The following PCSK5 variants were observed in gnomAD, a reference collection of about 807,000 sequenced individuals.
PCSK5 encodes the protein proprotein convertase subtilisin/kexin type 5.
In PCSK5, 129 loss-of-function variants were observed where a neutral mutation model predicts 233.2. That is an observed-to-expected ratio of 0.55 (90% CI 0.48 to 0.64). The LOEUF is 0.64. Ranked by LOEUF, PCSK5 falls within the 30% of genes least tolerant of loss-of-function variation. The probability of loss-of-function intolerance (pLI) is 0.00; values close to 1 mark genes in which losing one functional copy is unlikely to be tolerated. For synonymous variants in PCSK5, 825 were observed against 879.2 expected, an observed-to-expected ratio of 0.94 and a Z score of 1.09; for missense variants, 2,076 against 2,430.1, an observed-to-expected ratio of 0.85 and a Z score of 3.06.
At chr9:76,011,136 G>A (rs1827714585) in intron 3 of PCSK5, among the ~76,000 whole-genome samples, 1 of 152,206 alleles carries the variant, frequency 6.6e-6, no homozygotes, top group African/African-American at 2.4e-5. Context: ...AACATTTGCA[G>A]TTACGCTTGC....
intron 5 of PCSK5, among the ~76,000 whole-genome samples, chr9:76,048,834 G>T (rs1257628368): frequency 6.6e-6 from 1 of 152,174 alleles, no homozygotes; most frequent in Non-Finnish European, 1.5e-5. Flanking sequence ...TATTATTTCA[G>T]GAGATATGAA....
rs34727969 is a variant in PCSK5 at position 75,901,627 on chromosome 9, TA to T, written c.192+10271del. Among the ~76,000 whole-genome samples, 1,191 of 136,862 alleles carry T rather than the reference TA, an allele frequency of 8.7e-3. 4 individuals are homozygous for T. The highest frequency in any genetic ancestry group is 0.032 in the East Asian group (149 of 4,668). 89.8% of individuals were successfully genotyped at this position (136,862 alleles called of 152,430 possible). A position where few individuals can be genotyped will look rare whatever the true frequency, so the allele number is the denominator to read the frequency against. Reference sequence around the variant, plus strand: ...TGTTCTGCACATATATCCCAGAACTTAAAAAAAAAAAAAAAAAGATGAAGAC... The same window carrying T: ...TGTTCTGCACATATATCCCAGAACTTAAAAAAAAAAAAAAAAGATGAAGAC... On this transcript the variant is annotated intron_variant, in intron 1 of 37. Coordinates refer to ENST00000674117, the MANE Select transcript of PCSK5 (RefSeq NM_001372043.1).
intron 24 of PCSK5, among the ~76,000 whole-genome samples, chr9:76,275,384 G>A (rs1827658690): frequency 6.6e-6 from 1 of 152,036 alleles, no homozygotes; most frequent in African/African-American, 2.4e-5. Context: ...TTTTAAAAAA[G>A]CTATTTTTTG....
chr9:75,961,378 T>C (rs1825346468), intron 2 of PCSK5, among the ~76,000 whole-genome samples: 1 of 152,248 alleles, frequency 6.6e-6, no homozygotes, highest in South Asian at 2.1e-4. Context: ...ATGACCAATA[T>C]TGTAAAATGT....
At chr9:75,957,870 G>A (rs951531697) in intron 2 of PCSK5, among the ~76,000 whole-genome samples, 1 of 152,182 alleles carries the variant, frequency 6.6e-6, no homozygotes, top group African/African-American at 2.4e-5. Context: ...TGGTTGTATG[G>A]TGTGACTGTT....
intron 3 of PCSK5, among the ~76,000 whole-genome samples, chr9:75,989,858 C>G (rs973146307): frequency 6.6e-6 from 1 of 151,934 alleles, no homozygotes; most frequent in Non-Finnish European, 1.5e-5. Flanking sequence ...AACGCTGATT[C>G]AATGTAACAG....
chr9:76,302,635 A>G (rs1023957449), intron 28 of PCSK5, among the ~76,000 whole-genome samples: 1 of 152,216 alleles, frequency 6.6e-6, no homozygotes, highest in African/African-American at 2.4e-5. Context: ...AATAAAGTCG[A>G]TGTATTCATA....
At chr9:76,337,798 C>G (rs2131494556) in intron 34 of PCSK5, among the ~76,000 whole-genome samples, 1 of 151,480 alleles carries the variant, frequency 6.6e-6, no homozygotes, top group Middle Eastern at 3.4e-3. Flanking sequence ...AAATGTATCT[C>G]TGAATGGCCA....
Position 76,028,472 on chromosome 9 carries a change from G to C in PCSK5, c.632+1435G>C, listed in dbSNP as rs554346712. ...TGGGGAGTGCTGATTGGTCAGGCTG[G>C]AGATGGAATCATAGGGGGCTGAAGT... On this transcript the variant is annotated intron_variant, in intron 5 of 37. Coordinates refer to ENST00000674117, the MANE Select transcript of PCSK5 (RefSeq NM_001372043.1). 5.9e-5 allele frequency among the ~76,000 whole-genome samples: 9 copies of C among 152,242 alleles called. No homozygotes were observed. In the East Asian group the frequency reaches 1.7e-3, roughly 29 times the overall value.
chr9:76,266,425 A>G (rs1277135418), intron 24 of PCSK5, among the ~76,000 whole-genome samples: 2 of 152,222 alleles, frequency 1.3e-5, no homozygotes, highest in Non-Finnish European at 2.9e-5. Flanking sequence ...AGAGGTCTCC[A>G]AATGTTTCTA....
At chr9:75,892,769 C>A (rs1825668903) in intron 1 of PCSK5, among the ~76,000 whole-genome samples, 1 of 152,146 alleles carries the variant, frequency 6.6e-6, no homozygotes, top group African/African-American at 2.4e-5. Flanking sequence ...GGGGAGTGTT[C>A]AGAGGAGCAA....
At chr9:76,068,156 A>G (rs1830353437) in intron 6 of PCSK5, 113 bp downstream of exon 6, 3 of 689,796 alleles carry the variant, frequency 4.3e-6, no homozygotes, top group South Asian at 3.5e-5. Flanking sequence ...ATCTCTACCT[A>G]ATAGTGTTCA....
chr9:76,240,774 CTT>C, intron 24 of PCSK5, 90 bp downstream of exon 24: 1 of 858,962 alleles, frequency 1.2e-6, no homozygotes, highest in South Asian at 1.5e-5. Flanking sequence ...AGCAGGCACT[CTT>C]GTCATTGCTG....
chr9:76,278,457 G>T (rs1378062374), intron 24 of PCSK5, among the ~76,000 whole-genome samples: 1 of 151,972 alleles, frequency 6.6e-6, no homozygotes, highest in Admixed American at 6.6e-5. Flanking sequence ...GCTCCCTCAT[G>T]GGAGATCTGT....
At chr9:75,932,044 C>T (rs988422869) in intron 1 of PCSK5, among the ~76,000 whole-genome samples, 1 of 152,228 alleles carries the variant, frequency 6.6e-6, no homozygotes, top group African/African-American at 2.4e-5. Flanking sequence ...TTTCCCCCCT[C>T]TTTCCCACAT....
intron 28 of PCSK5, among the ~76,000 whole-genome samples, chr9:76,308,235 A>G (rs1828762095): frequency 6.6e-6 from 1 of 152,226 alleles, no homozygotes; most frequent in Non-Finnish European, 1.5e-5. Flanking sequence ...TCATCCAACA[A>G]TCTTGGCAAT....
intron 2 of PCSK5, among the ~76,000 whole-genome samples, chr9:75,968,541 A>G (rs1402158305): frequency 6.6e-6 from 1 of 152,226 alleles, no homozygotes; most frequent in African/African-American, 2.4e-5. Flanking sequence ...AGATAAACAT[A>G]GTGTGCTCTG....
At position 76,229,563 on chromosome 9, in the gene PCSK5, C is replaced by T. The variant is rs190790522; in HGVS notation, c.2729+1958C>T. Among the ~76,000 whole-genome samples, 6 of 152,286 alleles carry T rather than the reference C, an allele frequency of 3.9e-5. No homozygotes were observed. In the East Asian group the frequency reaches 1.2e-3, roughly 29 times the overall value. On this transcript the variant is annotated intron_variant, in intron 21 of 37. Coordinates refer to ENST00000674117, the MANE Select transcript of PCSK5 (RefSeq NM_001372043.1). ...ACCTCTGTTCTGACCCATGCTCAAA[C>T]ATTGTATTTGATCTATTTCAATGAA... is the stretch of plus-strand genomic sequence containing the variant.
At chr9:76,059,888 T>TA (rs1233932839) in intron 5 of PCSK5, among the ~76,000 whole-genome samples, 1 of 152,072 alleles carries the variant, frequency 6.6e-6, no homozygotes, top group African/African-American at 2.4e-5. Flanking sequence ...TTATCAGAAA[T>TA]AATGCAAGCT....
Sources: gnomAD v4.1 joint callset for allele counts (sites outside exome capture counted in the v4.1 genomes callset) on GRCh38, gnomAD v4.1.1 for gene constraint, MANE v1.5 for transcripts, NCBI Gene and HGNC (gene_info 2026-07-23, HGNC 2026-07-21) for gene names.